Variants in MGAT5B observed in about 807,000 individuals in gnomAD.
The protein encoded by MGAT5B is alpha-1,6-mannosylglycoprotein 6-beta-N-acetylglucosaminyltransferase B.
MGAT5B carries 54 observed loss-of-function variants against 95.1 expected under a neutral mutation model. The ratio of observed to expected loss-of-function variants is 0.57; its 90% CI spans 0.46 to 0.71. MGAT5B has a LOEUF of 0.71. Among genes scored for constraint, MGAT5B ranks in the 30% least tolerant of loss-of-function variants. The probability of loss-of-function intolerance (pLI) is 0.00; values close to 1 mark genes in which losing one functional copy is unlikely to be tolerated. For missense variants in MGAT5B, 935 were observed against 1,088.6 expected (o/e 0.86, Z 1.99); for synonymous variants, 464 against 451.0 (o/e 1.03, Z -0.36).
At position 76,949,914 on chromosome 17, in the gene MGAT5B, T is replaced by C. The variant is rs1970155393; in HGVS notation, c.*1076T>C. 1 of 138,804 alleles carries C rather than the reference T, an allele frequency of 7.2e-6. No homozygotes were observed. The allele number at this position is 138,804 out of a possible 1,614,324, so 8.6% of individuals were successfully genotyped here. On this transcript the variant is annotated 3_prime_UTR_variant, in exon 18 of 18. Coordinates refer to ENST00000569840, the MANE Select transcript of MGAT5B (RefSeq NM_001199172.2). Reference sequence around the variant, plus strand: ...AGCCCCCCACCCCATCAGTGCCGAGTCCTTGTCCCTACCTCCAGCTTCCTC... The same window carrying C: ...AGCCCCCCACCCCATCAGTGCCGAGCCCTTGTCCCTACCTCCAGCTTCCTC...
chr17:76,916,398 T>C lies in MGAT5B; in HGVS notation c.1026-8568T>C, dbSNP rs1316757635. Among the ~76,000 whole-genome samples the C allele has an allele frequency of 1.3e-5, 2 of 152,168 alleles. No homozygotes were observed. The highest frequency in any genetic ancestry group is 2.9e-5 in the Non-Finnish European group (2 of 68,010). On this transcript the variant is annotated intron_variant, in intron 8 of 17. Coordinates refer to ENST00000569840, the MANE Select transcript of MGAT5B (RefSeq NM_001199172.2). This position sits in a 1 kb window ranked among gnomAD's most constrained non-coding sequence, Gnocchi z 5.3. ...TTTCCCAGCTCTGGCCTGGCCTGTG[T>C]TGGGGAGGGCTGCAAGGGAAGACTC...
rs565020956 is a variant in MGAT5B at position 76,930,199 on chromosome 17, G to A, written c.1292-2446G>A. 7.9e-5 allele frequency among the ~76,000 whole-genome samples: 12 copies of A among 151,668 alleles called. No homozygotes were observed. Among genetic ancestry groups the A allele is most frequent in the Admixed American group, 6.6e-4 (10 of 15,232 alleles). ...GGAGAGATCGTTTGGTTCTGTAGTT[G>A]AATTTTCAGGCCCAAGAATCTGTGA... is the stretch of plus-strand genomic sequence containing the variant. On this transcript the variant is annotated intron_variant, in intron 10 of 17. Coordinates refer to ENST00000569840, the MANE Select transcript of MGAT5B (RefSeq NM_001199172.2). The surrounding 1 kb of genome is among the most constrained non-coding windows in gnomAD (Gnocchi z 4.1).
chr17:76,911,673 G>A (rs1407252726), intron 8 of MGAT5B, among the ~76,000 whole-genome samples: 1 of 152,256 alleles, frequency 6.6e-6, no homozygotes. Flanking sequence ...CCAGGGTGGA[G>A]GCAGAACTGT....
chr17:76,887,720 A>AT (rs1351225612), intron 3 of MGAT5B, among the ~76,000 whole-genome samples: 2 of 149,296 alleles, frequency 1.3e-5, no homozygotes, highest in Non-Finnish European at 3.0e-5. Flanking sequence ...TGCCCGGCTA[A>AT]TTTTTTTTGT....
intron 3 of MGAT5B, among the ~76,000 whole-genome samples, chr17:76,898,822 TA>T (rs1250291217): frequency 1.3e-5 from 2 of 152,236 alleles, no homozygotes; most frequent in Non-Finnish European, 2.9e-5. Flanking sequence ...TGTAGTCTTT[TA>T]TCCCTCACAT....
Position 76,905,872 on chromosome 17 carries a change from G to C in MGAT5B, c.856-146G>C. ...CGCCCGTGTCCCCAGTGCCCGATCT[G>C]GTCACTCTGGTGCCGGAAAGCACCT... is the stretch of plus-strand genomic sequence containing the variant. On this transcript the variant is annotated intron_variant, in intron 7 of 17. Transcript: ENST00000569840. The surrounding 1 kb of genome is among the most constrained non-coding windows in gnomAD (Gnocchi z 4.2). 1.3e-6 allele frequency: 1 copy of C among 788,724 alleles called. No homozygotes were observed. 48.9% of individuals were successfully genotyped at this position (788,724 alleles called of 1,614,324 possible). A position where few individuals can be genotyped will look rare whatever the true frequency, so the allele number is the denominator to read the frequency against.
In MGAT5B at chr17:76,910,366, T is replaced by G. The variant is rs902279094; in HGVS notation, c.1025+4179T>G. Among the ~76,000 whole-genome samples the G allele has an allele frequency of 2.0e-5, 3 of 152,360 alleles. No homozygotes were observed. In the South Asian group the frequency reaches 6.2e-4, roughly 32 times the overall value. On this transcript the variant is annotated intron_variant, in intron 8 of 17. Transcript: ENST00000569840. ...AGAACGCTGCAGAGGCAGTTAACAT[T>G]TGCAGATTATGAAAAGAGGTGTATA...
In MGAT5B at chr17:76,931,191, A is replaced by C. The variant is rs536520711; in HGVS notation, c.1292-1454A>C. 7.1e-4 allele frequency among the ~76,000 whole-genome samples: 108 copies of C among 152,256 alleles called. No homozygotes were observed. In the South Asian group the frequency reaches 0.014, roughly 20 times the overall value. On this transcript the variant is annotated intron_variant, in intron 10 of 17. Transcript: ENST00000569840. ...AGCTCACTGAAACCTCCGCCTCCCA[A>C]GTTCAAGTGATTCTCATGCCTCAGT...
In MGAT5B at chr17:76,940,985, T is replaced by A; in HGVS notation, c.1848+137T>A. The A allele has an allele frequency of 1.5e-6, 1 of 651,846 alleles. No homozygotes were observed. The highest frequency in any genetic ancestry group is 2.7e-6 in the Non-Finnish European group (1 of 369,556). 40.4% of individuals were successfully genotyped at this position (651,846 alleles called of 1,614,324 possible). On this transcript the variant is annotated intron_variant, in intron 15 of 17. Coordinates refer to ENST00000569840, the MANE Select transcript of MGAT5B (RefSeq NM_001199172.2). The surrounding 1 kb of genome is among the most constrained non-coding windows in gnomAD (Gnocchi z 4.3). ...TTGGCAAAGGTGTCCATCCCTCCCC[T>A]GGTCAGACACAGCCCTGAGCCAGGG...
At chr17:76,894,783 G>A (rs1040823636) in intron 3 of MGAT5B, among the ~76,000 whole-genome samples, 10 of 151,520 alleles carry the variant, frequency 6.6e-5, no homozygotes, top group Admixed American at 5.9e-4. Flanking sequence ...AACCCAGGAG[G>A]TGGAGATTAC....
At chr17:76,944,655 G>A (rs558789798) in intron 15 of MGAT5B, among the ~76,000 whole-genome samples, 4 of 152,298 alleles carry the variant, frequency 2.6e-5, no homozygotes, top group African/African-American at 9.6e-5. Context: ...TTGCCCCAGC[G>A]TTGAGAATAC....
chr17:76,877,568 C>T (rs559988757), intron 2 of MGAT5B, among the ~76,000 whole-genome samples: 1 of 152,254 alleles, frequency 6.6e-6, no homozygotes, highest in African/African-American at 2.4e-5. Flanking sequence ...GGATGGGGGA[C>T]CGGGGCCCGG....
Position 76,889,609 on chromosome 17 carries a change from T to C in MGAT5B, c.329+7311T>C, listed in dbSNP as rs113939227. 0.021 allele frequency among the ~76,000 whole-genome samples: 3,224 copies of C among 152,358 alleles called. 106 individuals are homozygous for C. Among genetic ancestry groups the C allele is most frequent in the African/African-American group, 0.072 (2,996 of 41,574 alleles). On this transcript the variant is annotated intron_variant, in intron 3 of 17. Transcript: ENST00000569840. This position sits in a 1 kb window ranked among gnomAD's most constrained non-coding sequence, Gnocchi z 4.4. ...TGTTCTGGATTCCAACAGACTTTGC[T>C]GCAGAGCTGGCTGAAGTAATAATTA...
In MGAT5B at chr17:76,915,431, G is replaced by A. The variant is rs1392124967; in HGVS notation, c.1025+9244G>A. Reference sequence around the variant, plus strand: ...GAGAGCATTTCCCACAAGCCAGGTGGAGGCAGCGGGAGACGCGAGGAAGTG... The same window carrying A: ...GAGAGCATTTCCCACAAGCCAGGTGAAGGCAGCGGGAGACGCGAGGAAGTG... On this transcript the variant is annotated intron_variant, in intron 8 of 17. Transcript: ENST00000569840. This position sits in a 1 kb window ranked among gnomAD's most constrained non-coding sequence, Gnocchi z 8.7. Among the ~76,000 whole-genome samples, 2 of 152,132 alleles carry A rather than the reference G, an allele frequency of 1.3e-5. No individual in the cohort carries two copies. The highest frequency in any genetic ancestry group is 4.8e-5 in the African/African-American group (2 of 41,424).
chr17:76,886,488 G>C (rs1394256278), intron 3 of MGAT5B, among the ~76,000 whole-genome samples: 1 of 152,252 alleles, frequency 6.6e-6, no homozygotes, highest in Admixed American at 6.5e-5. Flanking sequence ...TCCAGAGAAG[G>C]GGGTGACCCA....
At chr17:76,920,609 G>A (rs1330642627) in intron 8 of MGAT5B, among the ~76,000 whole-genome samples, 3 of 152,182 alleles carry the variant, frequency 2.0e-5, no homozygotes, top group East Asian at 1.9e-4. Flanking sequence ...CTCCAGGGAC[G>A]TCCTGCCCTT....
Position 76,914,763 on chromosome 17 carries a change from G to A in MGAT5B, c.1025+8576G>A, listed in dbSNP as rs1268005233. On this transcript the variant is annotated intron_variant, in intron 8 of 17. Coordinates refer to ENST00000569840, the MANE Select transcript of MGAT5B (RefSeq NM_001199172.2). This position sits in a 1 kb window ranked among gnomAD's most constrained non-coding sequence, Gnocchi z 5.1. ...AGTGATTCTCCTGCCTCAGCCTCCC[G>A]AGTAGCTGGGACTACAGGAATGTGC... Among the ~76,000 whole-genome samples the A allele has an allele frequency of 6.6e-6, 1 of 151,942 alleles. No homozygotes were observed.
intron 10 of MGAT5B, among the ~76,000 whole-genome samples, chr17:76,929,970 A>G (rs1305501609): frequency 6.6e-6 from 1 of 152,142 alleles, no homozygotes; most frequent in Admixed American, 6.5e-5. Flanking sequence ...AGTGGTGGGA[A>G]CAGGGGAGAG....
At chr17:76,911,568 A>G (rs1968739013) in intron 8 of MGAT5B, among the ~76,000 whole-genome samples, 1 of 152,168 alleles carries the variant, frequency 6.6e-6, no homozygotes, top group Non-Finnish European at 1.5e-5. Flanking sequence ...TTTGTGCCAC[A>G]CACTTTCTTG....
Sources: allele counts gnomAD v4.1 joint callset (sites outside exome capture counted in the v4.1 genomes callset), GRCh38; gene constraint gnomAD v4.1.1; non-coding constraint Gnocchi (gnomAD v3.1); transcripts MANE v1.5; gene names NCBI Gene and HGNC (gene_info 2026-07-23, HGNC 2026-07-21).